The following MLXIPL variants were observed in gnomAD, a reference collection of about 807,000 sequenced individuals.
The protein encoded by MLXIPL is carbohydrate-responsive element-binding protein.
A neutral mutation model predicts 81.5 loss-of-function variants in MLXIPL; 49 were observed. The observed-to-expected ratio is 0.60, with a 90% CI of 0.48 to 0.76. The LOEUF (loss-of-function observed/expected upper bound fraction) is 0.76. MLXIPL is among the 30% of genes least tolerant of loss of function. The probability of loss-of-function intolerance (pLI) is 0.00; values close to 1 mark genes in which losing one functional copy is unlikely to be tolerated. For missense variants in MLXIPL, 1,053 were observed against 1,167.0 expected, an observed-to-expected ratio of 0.90 and a Z score of 1.42; for synonymous variants, 466 against 485.5, an observed-to-expected ratio of 0.96 and a Z score of 0.53.
the MLXIPL span, among the ~76,000 whole-genome samples, chr7:73,634,718 A>T: frequency 4.0e-5 from 6 of 151,038 alleles, no homozygotes; most frequent in African/African-American, 9.7e-5. Flanking sequence ...TAATTTTTTT[A>T]AATTATGAAT....
the MLXIPL span, among the ~76,000 whole-genome samples, chr7:73,638,004 T>C: frequency 1.3e-5 from 2 of 152,158 alleles, no homozygotes; most frequent in South Asian, 2.1e-4. Context: ...ATGTTCTTCC[T>C]ACCTCTTTTC....
At chr7:73,644,864 C>T in the MLXIPL span, among the ~76,000 whole-genome samples, 7 of 152,148 alleles carry the variant, frequency 4.6e-5, no homozygotes, top group Non-Finnish European at 7.4e-5. Context: ...GGCCCCATGC[C>T]GGCCCCATCA....
chr7:73,628,328 C>G (rs1413050062), upstream of MLXIPL, among the ~76,000 whole-genome samples: 19 of 152,178 alleles, frequency 1.2e-4, no homozygotes, highest in Admixed American at 1.2e-3. Context: ...CCCTCCTTCC[C>G]CAGCCATGAA....
the MLXIPL span, among the ~76,000 whole-genome samples, chr7:73,633,523 T>A: frequency 2.6e-4 from 39 of 152,234 alleles, no homozygotes; most frequent in African/African-American, 8.9e-4. Context: ...GGTTTCGTCA[T>A]GTTGCCCAGG....
intron 2 of MLXIPL, among the ~76,000 whole-genome samples, chr7:73,613,855 G>C (rs1311004736): frequency 1.3e-5 from 2 of 152,186 alleles, no homozygotes; most frequent in African/African-American, 4.8e-5. Flanking sequence ...TTCTTCTGCA[G>C]GCTGGGTGTG....
intron 7 of MLXIPL, among the ~76,000 whole-genome samples, chr7:73,600,109 A>G (rs1425908600): frequency 2.0e-5 from 3 of 151,470 alleles, no homozygotes; most frequent in Non-Finnish European, 2.9e-5. Context: ...CTAGGGGAGG[A>G]GGCCTGGCAT....
rs201685506 is a variant in MLXIPL, at chr7:73,594,231, C to T, written c.2440+43G>A. 4.5e-5 allele frequency: 72 copies of T among 1,608,856 alleles called. No homozygotes were observed. In the East Asian group the frequency reaches 1.2e-3, roughly 26 times the overall value. On this transcript the variant is annotated intron_variant, in intron 16 of 16. Transcript: ENST00000313375. ...CAGGGTGGAATGCTCCCTCCACCCC[C>T]GAGGCTGGGTCCCTCTAGCAGGCAG...
At chr7:73,605,641 A>G in intron 7 of MLXIPL, 47 bp downstream of exon 7, 2 of 1,595,328 alleles carry the variant, frequency 1.3e-6, no homozygotes, top group East Asian at 4.5e-5. Context: ...GGCCTTCCTC[A>G]CACAGACCCT....
At chr7:73,609,757 C>G (rs564084268) in intron 2 of MLXIPL, 4 of 152,202 alleles carry the variant, frequency 2.6e-5, no homozygotes, top group African/African-American at 9.6e-5. Context: ...CTTCGATCTC[C>G]GCCTCCTGGG....
intron 2 of MLXIPL, among the ~76,000 whole-genome samples, chr7:73,614,682 G>A (rs1795895578): frequency 6.6e-6 from 1 of 152,146 alleles, no homozygotes; most frequent in Non-Finnish European, 1.5e-5. Flanking sequence ...CCAAATGAAT[G>A]AGAATGTGAC....
upstream of MLXIPL, among the ~76,000 whole-genome samples, chr7:73,627,539 G>A (rs542704547): frequency 3.3e-5 from 5 of 152,216 alleles, no homozygotes; most frequent in East Asian, 1.9e-4. Flanking sequence ...GTGAGCCACC[G>A]TGGCCAGCTC....
the MLXIPL span, among the ~76,000 whole-genome samples, chr7:73,647,846 G>A: frequency 6.6e-6 from 1 of 150,752 alleles, no homozygotes; most frequent in Non-Finnish European, 1.5e-5. Flanking sequence ...GGGCGCTGCG[G>A]GGATGCTTGG....
At position 73,595,972 on chromosome 7, in the gene MLXIPL, G is replaced by T; in HGVS notation, c.2059-3C>A. The T allele has an allele frequency of 6.2e-7, 1 of 1,612,420 alleles. No homozygotes were observed. Among genetic ancestry groups the T allele is most frequent in the Non-Finnish European group, 8.5e-7 (1 of 1,179,950 alleles). ...TGCAGCGTGGTAGCTTTGCTCACCT[G>T]CAGACGCCACCAGGGGGGCTCAGGC... On this transcript the variant is annotated splice_polypyrimidine_tract_variant and splice_region_variant and intron_variant, in intron 13 of 16. Transcript: ENST00000313375.
Position 73,607,246 on chromosome 7 carries a change from C to T in MLXIPL, c.573+85G>A. On this transcript the variant is annotated intron_variant, in intron 4 of 16. Coordinates refer to ENST00000313375, the MANE Select transcript of MLXIPL (RefSeq NM_032951.3). ...GGCGCAAGCTCGGGGGTCAGGATCC[C>T]CTTTCCAGGGATCTTCCGAGGCGGG... 3 of 1,421,804 alleles carry T rather than the reference C, an allele frequency of 2.1e-6. No individual in the cohort carries two copies. In the South Asian group the frequency reaches 3.7e-5, roughly 18 times the overall value. The allele number at this position is 1,421,804 out of a possible 1,614,324, so 88.1% of individuals were successfully genotyped here. A position where few individuals can be genotyped will look rare whatever the true frequency, so the allele number is the denominator to read the frequency against.
chr7:73,633,080 CTT>C, the MLXIPL span, among the ~76,000 whole-genome samples: 8 of 135,240 alleles, frequency 5.9e-5, no homozygotes, highest in Admixed American at 1.5e-4. Context: ...CCCACCCTAC[CTT>C]TTTTTTTTTT....
intron 7 of MLXIPL, among the ~76,000 whole-genome samples, chr7:73,601,560 C>A (rs373334648): frequency 6.6e-6 from 1 of 152,028 alleles, no homozygotes; most frequent in African/African-American, 2.4e-5. Context: ...AGCCACCGTG[C>A]CTTGCTGTCA....
chr7:73,637,951 C>T, the MLXIPL span, among the ~76,000 whole-genome samples: 1 of 152,172 alleles, frequency 6.6e-6, no homozygotes, highest in African/African-American at 2.4e-5. Context: ...GGGGAACACG[C>T]AGTGGCACCA....
At position 73,623,548 on chromosome 7, in the gene MLXIPL, C is replaced by A. The variant is rs1554602788; in HGVS notation, c.293+652G>T. The stretch of plus-strand genomic sequence containing the variant: ...AGGCGAACCCAGGCCTCCCGGGCAC[C>A]GGCGTAACCTCTGCGAGCTGCGCCT... On this transcript the variant is annotated intron_variant, in intron 1 of 16. Coordinates refer to ENST00000313375, the MANE Select transcript of MLXIPL (RefSeq NM_032951.3). The surrounding 1 kb of genome is among the most constrained non-coding windows in gnomAD (Gnocchi z 5.7). 1.3e-5 allele frequency among the ~76,000 whole-genome samples: 2 copies of A among 152,086 alleles called. No individual in the cohort carries two copies. The highest frequency in any genetic ancestry group is 4.8e-5 in the African/African-American group (2 of 41,418).
intron 2 of MLXIPL, among the ~76,000 whole-genome samples, chr7:73,613,323 G>A (rs1159168148): frequency 1.3e-5 from 2 of 152,192 alleles, no homozygotes; most frequent in East Asian, 3.9e-4. Context: ...TATTGGCCGG[G>A]CGCGGTGGCT....
Sources: allele counts gnomAD v4.1 joint callset (sites outside exome capture counted in the v4.1 genomes callset), GRCh38; gene constraint gnomAD v4.1.1; non-coding constraint Gnocchi (gnomAD v3.1); transcripts MANE v1.5; gene names NCBI Gene and HGNC (gene_info 2026-07-23, HGNC 2026-07-21).